The following OTOG variants were observed in gnomAD, a reference collection of about 807,000 sequenced individuals.
OTOG encodes otogelin.
In OTOG, 296 loss-of-function variants were observed where a neutral mutation model predicts 313.8. The ratio of observed to expected loss-of-function variants is 0.94; its 90% CI spans 0.86 to 1.04. The LOEUF is 1.04. Among genes scored for constraint, OTOG ranks in the 50% least tolerant of loss-of-function variants. The pLI, the probability that OTOG is intolerant of heterozygous loss-of-function variation, is 0.00. For synonymous variants in OTOG, 1,533 were observed against 1,554.9 expected (o/e 0.99, Z 0.33); for missense variants, 3,948 against 3,840.1 (o/e 1.03, Z -0.74).
intron 47 of OTOG, among the ~76,000 whole-genome samples, chr11:17,638,205 C>A (rs1854309126): frequency 6.6e-6 from 1 of 152,206 alleles, no homozygotes; most frequent in African/African-American, 2.4e-5. Flanking sequence ...TGAGGAGGCC[C>A]AATTTAATGA....
intron 17 of OTOG, 44 bp downstream of exon 17, chr11:17,570,434 C>T (rs1852380944): frequency 1.3e-6 from 2 of 1,536,682 alleles, no homozygotes; most frequent in Admixed American, 2.0e-5. Flanking sequence ...GGGAAATGGG[C>T]CCCTTAGGGC....
rs768593641 is a variant in OTOG at position 17,610,499 on chromosome 11, C to T, written c.5199C>T (p.Pro1733=). 1 of 1,550,604 alleles carries T rather than the reference C, an allele frequency of 6.4e-7. No individual in the cohort carries two copies. Among genetic ancestry groups the T allele is most frequent in the Non-Finnish European group, 8.7e-7 (1 of 1,146,984 alleles). The change falls in exon 36 of 56, where the codon CCC becomes CCT. Residue 1733 remains proline, a synonymous_variant. Transcript: ENST00000399397. ...TEKGEAGHSQ[P]MGSPASPQPH... is the part of the protein sequence containing the mutation. ...AGGGCGAAGCCGGGCACAGCCAGCC[C>T]ATGGGCTCGCCTGCCTCCCCACAGC...
At chr11:17,560,990 T>A in intron 13 of OTOG, 101 bp from the exon 14 acceptor site, 1 of 1,371,834 alleles carries the variant, frequency 7.3e-7, no homozygotes, top group Non-Finnish European at 1.0e-6. Context: ...ACCACCCATT[T>A]TAGAGATGGG....
chr11:17,615,948 G>T (rs1202268940), intron 39 of OTOG, among the ~76,000 whole-genome samples: 1 of 151,974 alleles, frequency 6.6e-6, no homozygotes, highest in African/African-American at 2.4e-5. Context: ...TTAATGTTTG[G>T]GATAATTTAT....
chr11:17,640,321 T>A (rs1159902799), intron 49 of OTOG, among the ~76,000 whole-genome samples: 1 of 152,196 alleles, frequency 6.6e-6, no homozygotes, highest in African/African-American at 2.4e-5. Flanking sequence ...ATCATGCTCT[T>A]AGCCACCAGG....
intron 1 of OTOG, 21 bp from the exon 2 acceptor site, chr11:17,547,906 G>A (rs1851844222): frequency 4.4e-6 from 2 of 452,532 alleles, no homozygotes; most frequent in South Asian, 6.1e-5. Context: ...AATTTGAGTG[G>A]AGAATAATCC....
rs116185490 is a variant in OTOG, at chr11:17,560,906, G to A, written c.1451+89G>A. 3.1e-4 allele frequency: 385 copies of A among 1,261,912 alleles called. 1 individual carries two copies. In the African/African-American group the frequency reaches 4.5e-3, roughly 15 times the overall value. 78.2% of individuals were successfully genotyped at this position (1,261,912 alleles called of 1,614,324 possible). The stretch of plus-strand genomic sequence containing the variant: ...GCCCATCTGGGAGCACTAATGGCTG[G>A]CGTCGGGGCACTCACTCAGTACCTT... On this transcript the variant is annotated intron_variant, in intron 13 of 55. Coordinates refer to ENST00000399397, the MANE Select transcript of OTOG (RefSeq NM_001292063.2).
intron 30 of OTOG, among the ~76,000 whole-genome samples, chr11:17,597,357 A>G (rs1177378027): frequency 6.6e-6 from 1 of 152,166 alleles, no homozygotes; most frequent in Non-Finnish European, 1.5e-5. Flanking sequence ...CTCGCAAGCT[A>G]TGTGACTTCA....
Position 17,602,277 on chromosome 11 carries a change from G to T in OTOG, c.3777G>T (p.Ala1259=). 2 of 1,550,632 alleles carry T rather than the reference G, an allele frequency of 1.3e-6. No homozygotes were observed. The highest frequency in any genetic ancestry group is 2.4e-5 in the South Asian group (2 of 84,058). Residue 1259 remains alanine, a synonymous_variant, in exon 32 of 56, where the codon GCG becomes GCT. Coordinates refer to ENST00000399397, the MANE Select transcript of OTOG (RefSeq NM_001292063.2). ...AAGGALVGMK[A]VGDDIVLVRT... ...GTGGTGCTCTGGTGGGCATGAAGGC[G>T]GTGGGCGATGACATAGTCCTAGTGA...
At chr11:17,585,395 C>G (rs10832813) in intron 23 of OTOG, among the ~76,000 whole-genome samples, 35,732 of 152,064 alleles carry the variant, frequency 0.23, 4,946 homozygotes, top group African/African-American at 0.4. Flanking sequence ...ATTCCTGTCC[C>G]CCTTTTTATC....
At chr11:17,560,852 C>T in intron 13 of OTOG, 35 bp downstream of exon 13, 1 of 1,511,268 alleles carries the variant, frequency 6.6e-7, no homozygotes, top group Non-Finnish European at 9.0e-7. Context: ...GGGTGTGGGG[C>T]ATGGCCGCTG....
chr11:17,583,537 G>A lies in OTOG; in HGVS notation c.2760-2937G>A, dbSNP rs1055730257. The stretch of plus-strand genomic sequence containing the variant: ...TGTTTTATTTTATTTTATTTTTGAT[G>A]GACATCCAGTGATTGTAGCCCTATT... On this transcript the variant is annotated intron_variant, in intron 23 of 55. Coordinates refer to ENST00000399397, the MANE Select transcript of OTOG (RefSeq NM_001292063.2). Among the ~76,000 whole-genome samples, 5 of 152,066 alleles carry A rather than the reference G, an allele frequency of 3.3e-5. No homozygotes were observed. The South Asian group carries it at 1.0e-3, about 32-fold the overall frequency.
At position 17,613,510 on chromosome 11, in the gene OTOG, G is replaced by C. The variant is rs529616698; in HGVS notation, c.6439-102G>C. The C allele has an allele frequency of 4.2e-6, 4 of 948,502 alleles. No individual in the cohort carries two copies. The African/African-American group carries it at 6.5e-5, about 15-fold the overall frequency. 58.8% of individuals were successfully genotyped at this position (948,502 alleles called of 1,614,324 possible). A position where few individuals can be genotyped will look rare whatever the true frequency, so the allele number is the denominator to read the frequency against. ...ATGGGAGCCCCTGGCATAGTGCAGG[G>C]GGTAGTCAGGGGAGACTGTACTCAC... On this transcript the variant is annotated intron_variant, in intron 38 of 55. Coordinates refer to ENST00000399397, the MANE Select transcript of OTOG (RefSeq NM_001292063.2).
chr11:17,624,620 TGC>T (rs1220090967), intron 39 of OTOG, among the ~76,000 whole-genome samples: 1 of 152,238 alleles, frequency 6.6e-6, no homozygotes, highest in African/African-American at 2.4e-5. Flanking sequence ...TGCTTAGGAT[TGC>T]CTTGGCTATT....
chr11:17,613,808 G>C (rs913042676), intron 39 of OTOG, 107 bp downstream of exon 39: 1 of 853,550 alleles, frequency 1.2e-6, no homozygotes, highest in Non-Finnish European at 1.9e-6. Flanking sequence ...TCAGGGCAGG[G>C]GTGGGGAGGG....
At chr11:17,565,223 C>T (rs892497780) in intron 15 of OTOG, among the ~76,000 whole-genome samples, 3 of 152,080 alleles carry the variant, frequency 2.0e-5, no homozygotes, top group African/African-American at 4.8e-5. Flanking sequence ...CCTCAGATTT[C>T]CCTTGTTTAT....
chr11:17,612,907 C>A, intron 38 of OTOG, 142 bp downstream of exon 38: 1 of 1,011,322 alleles, frequency 9.9e-7, no homozygotes, highest in Non-Finnish European at 1.4e-6. Flanking sequence ...CAGGAATGGG[C>A]AGGGCCTCCC....
chr11:17,571,709 C>A (rs546762371), intron 17 of OTOG, among the ~76,000 whole-genome samples: 32 of 152,234 alleles, frequency 2.1e-4, no homozygotes, highest in African/African-American at 7.5e-4. Flanking sequence ...AGTGGACAAT[C>A]CTAGCCCATT....
In OTOG at chr11:17,635,719, C is replaced by A; in HGVS notation, c.7795+8C>A. On this transcript the variant is annotated splice_region_variant and intron_variant, in intron 47 of 55. Coordinates refer to ENST00000399397, the MANE Select transcript of OTOG (RefSeq NM_001292063.2). ...GCCCTCTGTACCAGTGTGGTGAGTC[C>A]TGGCTGGGCACATGGCGGGCTGCGG... is the stretch of plus-strand genomic sequence containing the variant. The A allele has an allele frequency of 6.5e-7, 1 of 1,548,510 alleles. No homozygotes were observed. The highest frequency in any genetic ancestry group is 8.7e-7 in the Non-Finnish European group (1 of 1,145,134).
Sources: gnomAD v4.1 joint callset for allele counts (sites outside exome capture counted in the v4.1 genomes callset) on GRCh38, gnomAD v4.1.1 for gene constraint, MANE v1.5 for transcripts, NCBI Gene and HGNC (gene_info 2026-07-23, HGNC 2026-07-21) for gene names.